The following AFF3 variants were observed in gnomAD, a reference collection of about 807,000 sequenced individuals.
AFF3 encodes ALF transcription elongation factor 3.
AFF3 carries 32 observed loss-of-function variants against 129.7 expected under a neutral mutation model. The ratio of observed to expected loss-of-function variants is 0.25; its 90% CI spans 0.19 to 0.33. AFF3 has a LOEUF of 0.33. Ranked by LOEUF, AFF3 falls within the 10% of genes least tolerant of loss-of-function variation. The pLI is 1.00. For missense variants in AFF3, 1,373 were observed against 1,592.0 expected (o/e 0.86, Z 2.34); for synonymous variants, 644 against 635.4 (o/e 1.01, Z -0.20).
At chr2:99,994,517 C>G (rs1302968881) in intron 7 of AFF3, among the ~76,000 whole-genome samples, 3 of 151,908 alleles carry the variant, frequency 2.0e-5, no homozygotes, top group African/African-American at 7.3e-5. Context: ...TCAATATAAA[C>G]AATTAGAAAT....
At chr2:99,729,829 T>C (rs561492780) in intron 10 of AFF3, among the ~76,000 whole-genome samples, 1 of 151,446 alleles carries the variant, frequency 6.6e-6, no homozygotes, top group Non-Finnish European at 1.5e-5. Context: ...TGTCAGCTGT[T>C]TTCATGATGG....
intron 1 of AFF3, among the ~76,000 whole-genome samples, 180 bp downstream of exon 1, chr2:100,142,304 G>A (rs1022713359): frequency 1.3e-5 from 2 of 151,554 alleles, no homozygotes; most frequent in African/African-American, 4.9e-5. Flanking sequence ...AATCCCTCTG[G>A]CTGTTCACCA....
At chr2:99,731,855 C>T (rs986439944) in intron 10 of AFF3, among the ~76,000 whole-genome samples, 13 of 152,170 alleles carry the variant, frequency 8.5e-5, no homozygotes, top group Admixed American at 3.3e-4. Context: ...TTGTCTCAAG[C>T]TAAGGTTATG....
At chr2:99,611,592 T>A (rs1330047278) in intron 13 of AFF3, among the ~76,000 whole-genome samples, 1 of 151,888 alleles carries the variant, frequency 6.6e-6, no homozygotes, top group East Asian at 1.9e-4. Flanking sequence ...AATAGGGTGG[T>A]TATTGTCTAC....
chr2:100,002,149 A>G (rs1227084987), intron 7 of AFF3, among the ~76,000 whole-genome samples: 2 of 152,238 alleles, frequency 1.3e-5, no homozygotes, highest in Non-Finnish European at 2.9e-5. Flanking sequence ...GCAAACTTCA[A>G]TTTGAAAACA....
At chr2:99,837,628 G>A (rs1375841536) in intron 7 of AFF3, 104 bp from the exon 8 acceptor site, 6 of 1,032,380 alleles carry the variant, frequency 5.8e-6, no homozygotes, top group Middle Eastern at 2.0e-4. Context: ...AAAATTCAGC[G>A]AGTTACAGGT....
chr2:99,641,932 C>T (rs1684239261), intron 13 of AFF3, among the ~76,000 whole-genome samples: 1 of 152,188 alleles, frequency 6.6e-6, no homozygotes, highest in Non-Finnish European at 1.5e-5. Flanking sequence ...TCCTCTACCA[C>T]ACTGTAGATT....
At chr2:99,937,234 T>C (rs182022668) in intron 7 of AFF3, among the ~76,000 whole-genome samples, 25 of 152,272 alleles carry the variant, frequency 1.6e-4, no homozygotes, top group African/African-American at 5.8e-4. Flanking sequence ...TTTTGGAGCA[T>C]TCTGGATTTT....
intron 18 of AFF3, among the ~76,000 whole-genome samples, chr2:99,575,431 TTG>T (rs1390264949): frequency 6.7e-6 from 1 of 148,818 alleles, no homozygotes; most frequent in Non-Finnish European, 1.5e-5. Context: ...TTTTTTTTTT[TTG>T]TATTTTTAGT....
chr2:99,682,453 C>A (rs1186413521), intron 11 of AFF3, among the ~76,000 whole-genome samples: 1 of 152,200 alleles, frequency 6.6e-6, no homozygotes, highest in Non-Finnish European at 1.5e-5. Context: ...AAGGAATTAC[C>A]ACGAGGCATT....
chr2:99,552,979 C>G (rs1674542859), intron 24 of AFF3, among the ~76,000 whole-genome samples: 1 of 152,210 alleles, frequency 6.6e-6, no homozygotes, highest in African/African-American at 2.4e-5. Flanking sequence ...GTCGCCCAGG[C>G]TGGAGTGCAA....
chr2:99,767,244 A>C (rs1683091015), intron 8 of AFF3, among the ~76,000 whole-genome samples: 2 of 152,242 alleles, frequency 1.3e-5, no homozygotes, highest in Admixed American at 6.5e-5. Flanking sequence ...GAAGCAATAA[A>C]CAATGAACAA....
intron 7 of AFF3, among the ~76,000 whole-genome samples, chr2:99,976,403 G>A (rs1576465756): frequency 6.6e-6 from 1 of 152,138 alleles, no homozygotes; most frequent in African/African-American, 2.4e-5. Flanking sequence ...GTATGGCATC[G>A]TTCCCGCAGA....
At chr2:99,648,821 C>T (rs576068779) in intron 13 of AFF3, among the ~76,000 whole-genome samples, 1 of 151,316 alleles carries the variant, frequency 6.6e-6, no homozygotes, top group East Asian at 2.0e-4. Context: ...CCTGCTGCTT[C>T]TAATGCTGTG....
chr2:99,671,442 C>T (rs542177762), intron 12 of AFF3, among the ~76,000 whole-genome samples: 14 of 152,276 alleles, frequency 9.2e-5, no homozygotes, highest in East Asian at 1.9e-4. Flanking sequence ...CTCCCTTTTT[C>T]GTGCCTCAGT....
Position 99,817,586 on chromosome 2 carries a change from T to C in AFF3, c.921+19891A>G, listed in dbSNP as rs770928936. ...TTTGTTTTTAGAGATGGAGTCTTAC[T>C]ATGTTGCTCAGGCTGGCTTTGAACT... is the stretch of plus-strand genomic sequence containing the variant. On this transcript the variant is annotated intron_variant, in intron 8 of 24. Transcript: ENST00000672756. Among the ~76,000 whole-genome samples the C allele has an allele frequency of 3.3e-5, 5 of 152,310 alleles. No homozygotes were observed. The South Asian group carries it at 8.3e-4, about 25-fold the overall frequency.
intron 7 of AFF3, among the ~76,000 whole-genome samples, chr2:99,968,263 G>A (rs893081925): frequency 2.0e-5 from 3 of 152,104 alleles, no homozygotes; most frequent in Non-Finnish European, 4.4e-5. Context: ...GCTCAACTTG[G>A]TCAGCAACTG....
chr2:99,582,388 A>G (rs1053532212), intron 17 of AFF3, among the ~76,000 whole-genome samples: 13 of 152,124 alleles, frequency 8.5e-5, no homozygotes, highest in African/African-American at 2.7e-4. Context: ...ACACTGGCCA[A>G]TAAGGGCAGA....
chr2:100,114,436 C>T (rs1691648245), intron 2 of AFF3, among the ~76,000 whole-genome samples: 1 of 152,110 alleles, frequency 6.6e-6, no homozygotes, highest in Non-Finnish European at 1.5e-5. Flanking sequence ...GGCTAGAGTG[C>T]AGTGGTGTGA....
Sources: gnomAD v4.1 joint callset for allele counts (sites outside exome capture counted in the v4.1 genomes callset) on GRCh38, gnomAD v4.1.1 for gene constraint, MANE v1.5 for transcripts, NCBI Gene and HGNC (gene_info 2026-07-23, HGNC 2026-07-21) for gene names.